Variants in CTNND2 observed in about 807,000 individuals in gnomAD.
CTNND2 encodes catenin delta-2.
In CTNND2, 22 loss-of-function variants were observed where a neutral mutation model predicts 144.4. The ratio of observed to expected loss-of-function variants is 0.15; its 90% CI spans 0.11 to 0.22. The LOEUF is 0.22. CTNND2 is among the 10% of genes least tolerant of loss of function. The pLI, the probability that CTNND2 is intolerant of heterozygous loss-of-function variation, is 1.00. For missense variants in CTNND2, 1,353 were observed against 1,618.8 expected (o/e 0.84, Z 2.82); for synonymous variants, 751 against 695.6 (o/e 1.08, Z -1.25).
intron 2 of CTNND2, among the ~76,000 whole-genome samples, chr5:11,703,978 T>G (rs1469644093): frequency 6.6e-6 from 1 of 152,142 alleles, no homozygotes; most frequent in Non-Finnish European, 1.5e-5. Flanking sequence ...GCATATAGAG[T>G]GTCTTAACAA....
At chr5:11,006,108 T>C (rs1458714582) in intron 18 of CTNND2, among the ~76,000 whole-genome samples, 2 of 152,062 alleles carry the variant, frequency 1.3e-5, no homozygotes, top group Admixed American at 6.5e-5. Context: ...TTAGCAGGTA[T>C]AGGGTCCCAA....
intron 3 of CTNND2, among the ~76,000 whole-genome samples, chr5:11,495,515 T>C (rs1227898112): frequency 2.6e-5 from 4 of 152,164 alleles, no homozygotes; most frequent in Non-Finnish European, 5.9e-5. Flanking sequence ...AACTGAGATT[T>C]AATCCAGTTT....
At chr5:11,193,982 A>C (rs1475702675) in intron 11 of CTNND2, among the ~76,000 whole-genome samples, 4 of 152,242 alleles carry the variant, frequency 2.6e-5, no homozygotes, top group Non-Finnish European at 5.9e-5. Context: ...AACTGTTCAG[A>C]GTTCACTGTA....
chr5:11,241,215 C>G (rs1012158708), intron 9 of CTNND2, among the ~76,000 whole-genome samples: 1 of 152,198 alleles, frequency 6.6e-6, no homozygotes, highest in Admixed American at 6.5e-5. Context: ...ACCTGAGCAG[C>G]CTTCTCTATG....
intron 11 of CTNND2, among the ~76,000 whole-genome samples, chr5:11,188,243 A>G (rs1239849139): frequency 6.6e-6 from 1 of 152,088 alleles, no homozygotes; most frequent in African/African-American, 2.4e-5. Context: ...AAAATGTGGT[A>G]TATATATATA....
chr5:11,509,672 T>G (rs1053436662), intron 3 of CTNND2, among the ~76,000 whole-genome samples: 1 of 152,346 alleles, frequency 6.6e-6, no homozygotes, highest in Non-Finnish European at 1.5e-5. Context: ...CCTTCTTTTA[T>G]ACATGTATAA....
At chr5:11,180,820 T>C (rs1394930405) in intron 11 of CTNND2, among the ~76,000 whole-genome samples, 1 of 152,266 alleles carries the variant, frequency 6.6e-6, no homozygotes, top group Admixed American at 6.5e-5. Context: ...CGATGCCAAC[T>C]GGCAACTCCT....
At chr5:11,131,946 G>A (rs190508437) in intron 12 of CTNND2, among the ~76,000 whole-genome samples, 2 of 142,714 alleles carry the variant, frequency 1.4e-5, no homozygotes, top group African/African-American at 5.3e-5. Flanking sequence ...ATTTTTAAAA[G>A]CTCACTTATC....
chr5:11,505,301 C>T (rs1770918205), intron 3 of CTNND2, among the ~76,000 whole-genome samples: 1 of 151,870 alleles, frequency 6.6e-6, no homozygotes, highest in South Asian at 2.1e-4. Context: ...ATGGCTGAGG[C>T]CATATCATGG....
chr5:11,584,245 T>C (rs560938453), intron 2 of CTNND2, among the ~76,000 whole-genome samples: 5 of 152,136 alleles, frequency 3.3e-5, no homozygotes, highest in South Asian at 4.1e-4. Flanking sequence ...ATCTTCAGAG[T>C]TGCTCTCCTT....
chr5:11,383,770 GA>G (rs1025526705), intron 7 of CTNND2, among the ~76,000 whole-genome samples: 27 of 152,168 alleles, frequency 1.8e-4, no homozygotes, highest in South Asian at 1.0e-3. Context: ...TTCTGTAAGG[GA>G]AAAAAAATTC....
At chr5:11,525,582 C>T (rs558952337) in intron 3 of CTNND2, among the ~76,000 whole-genome samples, 1 of 152,192 alleles carries the variant, frequency 6.6e-6, no homozygotes, top group Non-Finnish European at 1.5e-5. Context: ...GAACCACACA[C>T]AGTTAAAAAG....
intron 15 of CTNND2, among the ~76,000 whole-genome samples, chr5:11,088,932 T>C (rs994970323): frequency 1.3e-5 from 2 of 152,206 alleles, no homozygotes; most frequent in East Asian, 3.8e-4. Flanking sequence ...AAGACATCTG[T>C]GTACTAGAGG....
At chr5:11,682,292 A>C (rs902855609) in intron 2 of CTNND2, among the ~76,000 whole-genome samples, 1 of 152,224 alleles carries the variant, frequency 6.6e-6, no homozygotes, top group Non-Finnish European at 1.5e-5. Flanking sequence ...TATTTTTTAG[A>C]AACCAACAGA....
intron 3 of CTNND2, among the ~76,000 whole-genome samples, chr5:11,453,992 G>GTATA (rs1457299970): frequency 1.2e-4 from 19 of 152,186 alleles, no homozygotes; most frequent in African/African-American, 4.6e-4. Context: ...ACACTTTATA[G>GTATA]GATTTCACAT....
chr5:11,613,593 C>G (rs1323824422), intron 2 of CTNND2, among the ~76,000 whole-genome samples: 1 of 152,206 alleles, frequency 6.6e-6, no homozygotes, highest in Admixed American at 6.5e-5. Context: ...TTTTCTTCTT[C>G]CAGCAATATA....
At chr5:11,478,227 T>C (rs1006068794) in intron 3 of CTNND2, among the ~76,000 whole-genome samples, 1 of 152,234 alleles carries the variant, frequency 6.6e-6, no homozygotes, top group African/African-American at 2.4e-5. Context: ...TCTCCCACTT[T>C]ATCAATTTGT....
chr5:11,636,399 C>A (rs1180814080), intron 2 of CTNND2, among the ~76,000 whole-genome samples: 1 of 152,066 alleles, frequency 6.6e-6, no homozygotes, highest in Non-Finnish European at 1.5e-5. Flanking sequence ...CTTTGTTATA[C>A]CTATCCAGAT....
chr5:11,457,672 T>C (rs1338205344), intron 3 of CTNND2, among the ~76,000 whole-genome samples: 1 of 152,164 alleles, frequency 6.6e-6, no homozygotes, highest in Non-Finnish European at 1.5e-5. Context: ...TGGATTATTC[T>C]CCAAAGGCAG....
Sources: allele counts gnomAD v4.1 joint callset (sites outside exome capture counted in the v4.1 genomes callset), GRCh38; gene constraint gnomAD v4.1.1; transcripts MANE v1.5; gene names NCBI Gene and HGNC (gene_info 2026-07-23, HGNC 2026-07-21).